The following SYNJ2BP variants were observed in gnomAD, a reference collection of about 807,000 sequenced individuals.
SYNJ2BP encodes the protein synaptojanin-2-binding protein.
SYNJ2BP carries 10 observed loss-of-function variants against 16.9 expected under a neutral mutation model. The observed-to-expected ratio is 0.59, with a 90% CI of 0.36 to 1.00. The LOEUF is 1.00. Ranked by LOEUF, SYNJ2BP falls within the 50% of genes least tolerant of loss-of-function variation. The pLI, the probability that SYNJ2BP is intolerant of heterozygous loss-of-function variation, is 0.01. For missense variants in SYNJ2BP, 162 were observed against 186.7 expected (o/e 0.87, Z 0.77); for synonymous variants, 54 against 68.4 (o/e 0.79, Z 1.04).
intron 1 of SYNJ2BP, among the ~76,000 whole-genome samples, chr14:70,411,784 T>C (rs1015445773): frequency 1.3e-5 from 2 of 152,218 alleles, no homozygotes; most frequent in Non-Finnish European, 2.9e-5. Context: ...CAGATTACCA[T>C]GCTCCTTTCC....
intron 2 of SYNJ2BP, among the ~76,000 whole-genome samples, chr14:70,387,112 A>G (rs1269246962): frequency 1.4e-4 from 21 of 152,168 alleles, no homozygotes; most frequent in African/African-American, 5.1e-4. Flanking sequence ...TAGCCCTTTG[A>G]AGCCAGCTCT....
At chr14:70,413,590 G>A (rs1888536768) in intron 1 of SYNJ2BP, among the ~76,000 whole-genome samples, 1 of 152,232 alleles carries the variant, frequency 6.6e-6, no homozygotes, top group South Asian at 2.1e-4. Flanking sequence ...AGTGAGACAA[G>A]ATCGTGCCAC....
intron 1 of SYNJ2BP, among the ~76,000 whole-genome samples, chr14:70,397,950 G>A (rs1012318192): frequency 4.4e-5 from 2 of 44,976 alleles, no homozygotes; most frequent in African/African-American, 9.0e-5. Flanking sequence ...GCTCCTTTCA[G>A]CATCCAGGGT....
intron 1 of SYNJ2BP, among the ~76,000 whole-genome samples, chr14:70,403,262 C>T (rs1888277895): frequency 6.6e-6 from 1 of 152,196 alleles, no homozygotes; most frequent in African/African-American, 2.4e-5. Context: ...GTCACTGTGT[C>T]TGTATGTCTC....
intron 1 of SYNJ2BP, among the ~76,000 whole-genome samples, chr14:70,396,504 T>TA (rs1293742861): frequency 1.3e-5 from 2 of 152,236 alleles, no homozygotes; most frequent in African/African-American, 4.8e-5. Context: ...GAGGAGGTGA[T>TA]AAACTTTTCC....
Position 70,371,253 on chromosome 14 carries a change from T to C in SYNJ2BP, c.*1738A>G, listed in dbSNP as rs997266060. On this transcript the variant is annotated 3_prime_UTR_variant, in exon 4 of 4. Coordinates refer to ENST00000256366, the MANE Select transcript of SYNJ2BP (RefSeq NM_018373.3). ...CCTTATCGAGATCACTGGCATTCCA[T>C]AGTATCCATTCATTCATATCCTCCT... The C allele has an allele frequency of 6.6e-6, 1 of 152,216 alleles. No homozygotes were observed. Among genetic ancestry groups the C allele is most frequent in the African/African-American group, 2.4e-5 (1 of 41,462 alleles). The allele number at this position is 152,216 out of a possible 1,614,324, so 9.4% of individuals were successfully genotyped here.
intron 1 of SYNJ2BP, among the ~76,000 whole-genome samples, chr14:70,400,514 T>TAA (rs201766658): frequency 6.6e-6 from 1 of 151,250 alleles, no homozygotes; most frequent in African/African-American, 2.4e-5. Context: ...GTTCACTTTA[T>TAA]AAAAAAAAAC....
chr14:70,378,546 C>G (rs544389142), intron 2 of SYNJ2BP, among the ~76,000 whole-genome samples: 1 of 151,616 alleles, frequency 6.6e-6, no homozygotes, highest in Admixed American at 6.6e-5. Context: ...CCTGCCTCAG[C>G]CTCCGAAAGT....
At position 70,375,810 on chromosome 14, in the gene SYNJ2BP, C is replaced by T. The variant is rs765482225; in HGVS notation, c.202-39G>A. The T allele has an allele frequency of 3.1e-6, 5 of 1,596,836 alleles. No individual in the cohort carries two copies. In the African/African-American group the frequency reaches 6.8e-5, roughly 22 times the overall value. On this transcript the variant is annotated intron_variant, in intron 2 of 3. Coordinates refer to ENST00000256366, the MANE Select transcript of SYNJ2BP (RefSeq NM_018373.3). Reference sequence around the variant, plus strand: ...AAAGAGTAGTAAGAAAGGAAGAAGGCTATTAGAAGTCAACAATTTATTTTC... The same window carrying T: ...AAAGAGTAGTAAGAAAGGAAGAAGGTTATTAGAAGTCAACAATTTATTTTC...
At chr14:70,382,120 C>T (rs1241313994) in intron 2 of SYNJ2BP, among the ~76,000 whole-genome samples, 3 of 152,122 alleles carry the variant, frequency 2.0e-5, no homozygotes, top group African/African-American at 7.2e-5. Flanking sequence ...CCTGTAGTCC[C>T]AGCTACTCGG....
At chr14:70,415,140 A>G (rs909904807) in intron 1 of SYNJ2BP, among the ~76,000 whole-genome samples, 12 of 150,716 alleles carry the variant, frequency 8.0e-5, no homozygotes, top group African/African-American at 2.7e-4. Context: ...GGAGTTCAAG[A>G]CCAGCCTGGG....
At chr14:70,412,513 ATATATACAG>A (rs201532368) in intron 1 of SYNJ2BP, among the ~76,000 whole-genome samples, 32 of 7,732 alleles carry the variant, frequency 4.1e-3, no homozygotes, top group African/African-American at 5.6e-3. Context: ...TATATACAGT[ATATATACAG>A]TATATATGTA....
intron 1 of SYNJ2BP, among the ~76,000 whole-genome samples, chr14:70,396,715 CA>C (rs138546283): frequency 0.12 from 18,182 of 152,030 alleles, 1,154 homozygotes; most frequent in Middle Eastern, 0.2. Context: ...TTTTGATTTG[CA>C]TTTCCCTAAC....
At chr14:70,376,328 T>C (rs1436841817) in intron 2 of SYNJ2BP, among the ~76,000 whole-genome samples, 1 of 152,216 alleles carries the variant, frequency 6.6e-6, no homozygotes, top group Non-Finnish European at 1.5e-5. Context: ...ATTAGTAAAT[T>C]AGTCATTTTT....
At chr14:70,404,131 G>T (rs1888298372) in intron 1 of SYNJ2BP, among the ~76,000 whole-genome samples, 1 of 151,782 alleles carries the variant, frequency 6.6e-6, no homozygotes, top group Non-Finnish European at 1.5e-5. Flanking sequence ...CTCAAGACCA[G>T]CCTAAGCAAC....
At chr14:70,389,429 C>T (rs1887933800) in intron 1 of SYNJ2BP, among the ~76,000 whole-genome samples, 1 of 143,994 alleles carries the variant, frequency 6.9e-6, no homozygotes, top group African/African-American at 2.7e-5. Context: ...TAGGTATTGG[C>T]AGAGAAACCT....
intron 1 of SYNJ2BP, among the ~76,000 whole-genome samples, chr14:70,396,584 G>GTATGTA (rs780911810): frequency 2.6e-5 from 4 of 150,956 alleles, no homozygotes; most frequent in Admixed American, 6.6e-5. Context: ...GTGTATGTAT[G>GTATGTA]TATGTATGTG....
Position 70,367,561 on chromosome 14 carries a change from C to CAAAAAAAAAA in SYNJ2BP, c.*5420_*5429dup, listed in dbSNP as rs71448320. 1.6e-3 allele frequency: 59 copies of CAAAAAAAAAA among 36,904 alleles called. No homozygotes were observed. The highest frequency in any genetic ancestry group is 2.1e-3 in the Non-Finnish European group (41 of 19,406). 2.3% of individuals were successfully genotyped at this position (36,904 alleles called of 1,614,324 possible). ...TAGGCGACAGAGCAAGACTCCGTCT[C>CAAAAAAAAAA]AAAAAAAAAAAAAAAAAAAAAAAAA... On this transcript the variant is annotated 3_prime_UTR_variant, in exon 4 of 4. Transcript: ENST00000256366.
intron 1 of SYNJ2BP, among the ~76,000 whole-genome samples, chr14:70,399,383 G>A (rs1268502032): frequency 6.6e-6 from 1 of 152,208 alleles, no homozygotes; most frequent in Non-Finnish European, 1.5e-5. Context: ...GCTCCATGGA[G>A]CAAGGCACTG....
Sources: gnomAD v4.1 joint callset for allele counts (sites outside exome capture counted in the v4.1 genomes callset) on GRCh38, gnomAD v4.1.1 for gene constraint, MANE v1.5 for transcripts, NCBI Gene and HGNC (gene_info 2026-07-23, HGNC 2026-07-21) for gene names.